Variants in CCHCR1 observed in about 807,000 individuals in gnomAD.
CCHCR1 encodes the protein HCR (a-helix coiled-coil rod homologue).
CCHCR1 carries 91 observed loss-of-function variants against 114.6 expected under a neutral mutation model. The ratio of observed to expected loss-of-function variants is 0.79; its 90% CI spans 0.67 to 0.94. CCHCR1 has a LOEUF of 0.94. Among genes scored for constraint, CCHCR1 ranks in the 40% least tolerant of loss-of-function variants. The probability of loss-of-function intolerance (pLI) is 0.00; values close to 1 mark genes in which losing one functional copy is unlikely to be tolerated. For synonymous variants in CCHCR1, 379 were observed against 428.5 expected (o/e 0.88, Z 1.43); for missense variants, 899 against 1,079.9 (o/e 0.83, Z 2.35).
chr6:31,150,514 C>T lies in CCHCR1; in HGVS notation c.1153G>A (p.Val385Met). 2 of 1,612,682 alleles carry T rather than the reference C, an allele frequency of 1.2e-6. No homozygotes were observed. Among genetic ancestry groups the T allele is most frequent in the Non-Finnish European group, 8.5e-7 (1 of 1,179,950 alleles). ...ATGTGTGTGAGGCTCTGCACCCGCA[C>T]CTGCAGCAGCTCCGCGGTGGCATGC... ...SLHATAELLQ[V>M]RVQSLTHILA... The change falls in exon 7 of 18, where the codon GTG (valine) becomes ATG (methionine). Residue 385 changes from valine (V) to methionine (M), a missense_variant. Val to Met is a conservative substitution (Grantham distance 21, BLOSUM62 1). Coordinates refer to ENST00000396268, the MANE Select transcript of CCHCR1 (RefSeq NM_001105564.2). This position sits in a 1 kb window ranked among gnomAD's most constrained non-coding sequence, Gnocchi z 5.3.
In CCHCR1 at chr6:31,145,082, AG is replaced by A. The variant is rs778373022; in HGVS notation, c.1877-10del. ...CTGCCGCTCTGCCTCCCCTAAAAGG[AG>A]GGGGTGCTGGGTCAGGCCTCTCCCA... On this transcript the variant is annotated splice_polypyrimidine_tract_variant and intron_variant, in intron 13 of 17. Coordinates refer to ENST00000396268, the MANE Select transcript of CCHCR1 (RefSeq NM_001105564.2). 9 of 1,599,256 alleles carry A rather than the reference AG, an allele frequency of 5.6e-6. No homozygotes were observed. Among genetic ancestry groups the A allele is most frequent in the Non-Finnish European group, 7.7e-6 (9 of 1,175,782 alleles).
Position 31,145,720 on chromosome 6 carries a change from C to T in CCHCR1, c.1669G>A (p.Val557Ile), listed in dbSNP as rs918127064. The T allele has an allele frequency of 1.9e-6, 3 of 1,613,604 alleles. No individual in the cohort carries two copies. The highest frequency in any genetic ancestry group is 1.7e-6 in the Non-Finnish European group (2 of 1,179,880). Residue 557 changes from valine (V) to isoleucine (I), a missense_variant, in exon 11 of 18, where the codon GTC (valine) becomes ATC (isoleucine). Coordinates refer to ENST00000396268, the MANE Select transcript of CCHCR1 (RefSeq NM_001105564.2). ...CCCCGAATGGTGTGGACCTTGCGGACAGCATAGCTGAGTCGGTTGTTGAGG... is the reference window on the plus strand; with the variant it reads ...CCCCGAATGGTGTGGACCTTGCGGATAGCATAGCTGAGTCGGTTGTTGAGG... ...PSLNNRLSYA[V>I]RKVHTIRGLI...
At chr6:31,148,235 C>T (rs527321364) in intron 10 of CCHCR1, among the ~76,000 whole-genome samples, 170 bp downstream of exon 10, 48 of 152,246 alleles carry the variant, frequency 3.2e-4, no homozygotes, top group African/African-American at 1.1e-3. Context: ...AAGGGGCTTC[C>T]CCAGGAAAAG....
intron 4 of CCHCR1, among the ~76,000 whole-genome samples, chr6:31,152,676 T>C (rs1245848031): frequency 6.6e-6 from 1 of 151,988 alleles, no homozygotes; most frequent in Non-Finnish European, 1.5e-5. Flanking sequence ...GGGTCTCGCT[T>C]TGTTGCCCAG....
chr6:31,148,566 C>G, intron 9 of CCHCR1, 52 bp downstream of exon 9: 1 of 1,595,098 alleles, frequency 6.3e-7, no homozygotes, highest in East Asian at 2.2e-5. Context: ...GCTGCAGCCC[C>G]GGAACAGGGG....
At position 31,143,103 on chromosome 6, in the gene CCHCR1, C is replaced by G; in HGVS notation, c.2351G>C (p.Arg784Pro). The G allele has an allele frequency of 6.2e-7, 1 of 1,612,932 alleles. No individual in the cohort carries two copies. The highest frequency in any genetic ancestry group is 8.5e-7 in the Non-Finnish European group (1 of 1,179,996). The change falls in exon 17 of 18, where the codon CGT (arginine) becomes CCT (proline). Residue 784 changes from arginine to proline, a missense_variant. Physicochemically the swap from Arg to Pro is moderately radical, Grantham distance 103. Coordinates refer to ENST00000396268, the MANE Select transcript of CCHCR1 (RefSeq NM_001105564.2). The surrounding 1 kb of genome is among the most constrained non-coding windows in gnomAD (Gnocchi z 5.3). ...ATLQQEGLLS[R>P]YKQQRLLTVL... Reference sequence around the variant, plus strand: ...TGTCAACAGTCGCTGCTGCTTGTAACGGGAGAGGAGACCTTCCTGCTGCAA... The same window carrying G: ...TGTCAACAGTCGCTGCTGCTTGTAAGGGGAGAGGAGACCTTCCTGCTGCAA...
At chr6:31,145,373 C>T in intron 12 of CCHCR1, 71 bp from the exon 13 acceptor site, 1 of 1,612,296 alleles carries the variant, frequency 6.2e-7, no homozygotes, top group East Asian at 2.2e-5. Flanking sequence ...CATCCCACCT[C>T]AGTCCTCATG....
chr6:31,143,390 G>A lies in CCHCR1; in HGVS notation c.2191C>T (p.Arg731Cys), dbSNP rs1308539913. 3.7e-6 allele frequency: 6 copies of A among 1,612,906 alleles called. No individual in the cohort carries two copies. The highest frequency in any genetic ancestry group is 1.3e-5 in the African/African-American group (1 of 75,048). Residue 731 changes from arginine (R) to cysteine (C), a missense_variant, in exon 16 of 18, where the codon CGC (arginine) becomes TGC (cysteine). By Grantham distance (180) the Arg-to-Cys change is radical (BLOSUM62 -3). Coordinates refer to ENST00000396268, the MANE Select transcript of CCHCR1 (RefSeq NM_001105564.2). This position sits in a 1 kb window ranked among gnomAD's most constrained non-coding sequence, Gnocchi z 5.3. ...KAVVSLRQIQ[R>C]RAAQEKERSQ... is the part of the protein sequence containing the mutation. ...CGCTCCTTTTCCTGGGCGGCTCTGC[G>A]CTGAATCTGGCGTAAGGAGACCACT...
chr6:31,154,877 G>T lies in CCHCR1; in HGVS notation c.498-78C>A. The T allele has an allele frequency of 2.2e-6, 3 of 1,353,668 alleles. No homozygotes were observed. The highest frequency in any genetic ancestry group is 3.0e-6 in the Non-Finnish European group (3 of 1,011,300). 83.9% of individuals were successfully genotyped at this position (1,353,668 alleles called of 1,614,324 possible). ...GTTGAGGGCATAAACATAGCCAGGA[G>T]AAGGAAAAGAGGACCCCTCTGCTTC... is the stretch of plus-strand genomic sequence containing the variant. On this transcript the variant is annotated intron_variant, in intron 3 of 17. Coordinates refer to ENST00000396268, the MANE Select transcript of CCHCR1 (RefSeq NM_001105564.2). The surrounding 1 kb of genome is among the most constrained non-coding windows in gnomAD (Gnocchi z 4.1).
chr6:31,151,232 C>A lies in CCHCR1; in HGVS notation c.802-110G>T. ...TTAGAGAATGACCCAACCAATCAGC[C>A]AACTGTGCACAGCAAATGGAGAGCT... On this transcript the variant is annotated intron_variant, in intron 4 of 17. Transcript: ENST00000396268. The surrounding 1 kb of genome is among the most constrained non-coding windows in gnomAD (Gnocchi z 4.1). 1 of 1,158,588 alleles carries A rather than the reference C, an allele frequency of 8.6e-7. No homozygotes were observed. The highest frequency in any genetic ancestry group is 1.2e-6 in the Non-Finnish European group (1 of 819,628). The allele number at this position is 1,158,588 out of a possible 1,614,324, so 71.8% of individuals were successfully genotyped here.
intron 10 of CCHCR1, among the ~76,000 whole-genome samples, 156 bp downstream of exon 10, chr6:31,148,244 AGAAAC>A (rs1236452517): frequency 3.9e-5 from 6 of 152,196 alleles, no homozygotes; most frequent in Non-Finnish European, 7.3e-5. Context: ...CCCCAGGAAA[AGAAAC>A]GAACACAGGA....
chr6:31,148,597 C>T, intron 9 of CCHCR1, 21 bp downstream of exon 9: 1 of 1,603,734 alleles, frequency 6.2e-7, no homozygotes, highest in Non-Finnish European at 8.5e-7. Context: ...CTCCCCGAGT[C>T]TCTAGTAGGC....
Position 31,142,716 on chromosome 6 carries a change from C to G in CCHCR1, c.2492G>C (p.Gly831Ala). The G allele has an allele frequency of 6.2e-7, 1 of 1,607,176 alleles. No individual in the cohort carries two copies. The highest frequency in any genetic ancestry group is 8.5e-7 in the Non-Finnish European group (1 of 1,177,072). The change falls in exon 18 of 18, where the codon GGG (glycine) becomes GCG (alanine). Residue 831 changes from glycine (G) to alanine (A), a missense_variant and splice_region_variant. Physicochemically the swap from Gly to Ala is moderately conservative, Grantham distance 60. Coordinates refer to ENST00000396268, the MANE Select transcript of CCHCR1 (RefSeq NM_001105564.2). The part of the protein sequence containing the change: ...AAVPTRESIK[G>A]SLSVLLDDLQ... ...GTCATCGAGCAGGACAGAGAGGGAC[C>G]CTGGGAAGGAAGACAGCAGATGAGC...
At chr6:31,156,659 T>C in intron 3 of CCHCR1, 72 bp downstream of exon 3, 1 of 1,313,156 alleles carries the variant, frequency 7.6e-7, no homozygotes, top group Admixed American at 2.2e-5. Flanking sequence ...CGAAATAGGG[T>C]AAGGAGTTTA....
intron 11 of CCHCR1, 57 bp downstream of exon 11, chr6:31,145,639 A>T: frequency 6.8e-7 from 1 of 1,476,242 alleles, no homozygotes; most frequent in Non-Finnish European, 9.5e-7. Flanking sequence ...GTCAGGAAGA[A>T]GAAAGTCCGA....
At chr6:31,155,697 G>A (rs537118365) in intron 3 of CCHCR1, among the ~76,000 whole-genome samples, 8 of 152,084 alleles carry the variant, frequency 5.3e-5, no homozygotes, top group African/African-American at 1.4e-4. Context: ...TAGAGAAATC[G>A]TCTACCAATG....
In CCHCR1 at chr6:31,148,447, G is replaced by A. The variant is rs1450123525; in HGVS notation, c.1538C>T (p.Ser513Leu). The change falls in exon 10 of 18, where the codon TCA becomes TTA. Residue 513 changes from serine to leucine, a missense_variant. Physicochemically the swap from Ser to Leu is moderately radical, Grantham distance 145. Coordinates refer to ENST00000396268, the MANE Select transcript of CCHCR1 (RefSeq NM_001105564.2). The part of the protein sequence containing the change: ...ARRRWQQQTA[S>L]AEEQLRLVVN... ...CACAAGCCTCAGCTGCTCCTCGGCTGAGGCTGTCTGCTGCTGCCACCGACG... is the reference window on the plus strand; with the variant it reads ...CACAAGCCTCAGCTGCTCCTCGGCTAAGGCTGTCTGCTGCTGCCACCGACG... 4.3e-6 allele frequency: 7 copies of A among 1,612,494 alleles called. No homozygotes were observed. Among genetic ancestry groups the A allele is most frequent in the East Asian group, 2.2e-5 (1 of 44,884 alleles).
chr6:31,151,127 G>A lies in CCHCR1; in HGVS notation c.802-5C>T, dbSNP rs781150976. 29 of 1,610,406 alleles carry A rather than the reference G, an allele frequency of 1.8e-5. No homozygotes were observed. Among genetic ancestry groups the A allele is most frequent in the East Asian group, 1.1e-4 (5 of 44,872 alleles). On this transcript the variant is annotated splice_polypyrimidine_tract_variant and splice_region_variant and intron_variant, in intron 4 of 17. Coordinates refer to ENST00000396268, the MANE Select transcript of CCHCR1 (RefSeq NM_001105564.2). The surrounding 1 kb of genome is among the most constrained non-coding windows in gnomAD (Gnocchi z 4.1). The stretch of plus-strand genomic sequence containing the variant: ...AGCCTGTGTCAAAGAGGACAGCTGC[G>A]GAAAGAAGAGGGGGCTCAGCAGAGG...
rs1775645300 is a variant in CCHCR1 at position 31,154,068 on chromosome 6, C to T, written c.801+428G>A. Among the ~76,000 whole-genome samples the T allele has an allele frequency of 6.8e-6, 1 of 147,304 alleles. No individual in the cohort carries two copies. The highest frequency in any genetic ancestry group is 7.0e-5 in the Admixed American group (1 of 14,364). Reference sequence around the variant, plus strand: ...TCCATCCACGAAGGCAGGACTCAGGCTAATTTGGTCACTGAGTCTTAGAGA... The same window carrying T: ...TCCATCCACGAAGGCAGGACTCAGGTTAATTTGGTCACTGAGTCTTAGAGA... On this transcript the variant is annotated intron_variant, in intron 4 of 17. Coordinates refer to ENST00000396268, the MANE Select transcript of CCHCR1 (RefSeq NM_001105564.2). This position sits in a 1 kb window ranked among gnomAD's most constrained non-coding sequence, Gnocchi z 4.1.
Sources: gnomAD v4.1 joint callset for allele counts (sites outside exome capture counted in the v4.1 genomes callset) on GRCh38, gnomAD v4.1.1 for gene constraint, Gnocchi (gnomAD v3.1) non-coding constraint, MANE v1.5 for transcripts, NCBI Gene and HGNC (gene_info 2026-07-23, HGNC 2026-07-21) for gene names.